SENP6: variants seen among roughly 807,000 people sequenced by gnomAD.
SENP6 encodes sentrin-specific protease 6.
In SENP6, 41 loss-of-function variants were observed where a neutral mutation model predicts 134.5. The ratio of observed to expected loss-of-function variants is 0.30; its 90% CI spans 0.24 to 0.40. SENP6 has a LOEUF of 0.40. Among genes scored for constraint, SENP6 ranks in the 10% least tolerant of loss-of-function variants. The pLI is 1.00. For synonymous variants in SENP6, 395 were observed against 429.8 expected, an observed-to-expected ratio of 0.92 and a Z score of 1.00; for missense variants, 1,248 against 1,312.5, an observed-to-expected ratio of 0.95 and a Z score of 0.76.
At chr6:75,661,922 G>C (rs1453529547) in intron 8 of SENP6, among the ~76,000 whole-genome samples, 1 of 152,100 alleles carries the variant, frequency 6.6e-6, no homozygotes, top group East Asian at 1.9e-4. Flanking sequence ...CATGGTGGTG[G>C]GCACCTGTAG....
chr6:75,694,368 G>A (rs1321037709), intron 16 of SENP6, among the ~76,000 whole-genome samples: 2 of 152,164 alleles, frequency 1.3e-5, no homozygotes, highest in African/African-American at 2.4e-5. Context: ...AAAATACTAT[G>A]CTGCTGGATC....
In SENP6 at chr6:75,633,141, A is replaced by G. The variant is rs574439389; in HGVS notation, c.208-440A>G. On this transcript the variant is annotated intron_variant, in intron 3 of 23. Transcript: ENST00000447266. ...GCATCTATTGAAGTATAAAGTATCA[A>G]TTTCTGCCTGTACAGAAACTTTGAT... is the stretch of plus-strand genomic sequence containing the variant. Among the ~76,000 whole-genome samples, 5 of 152,314 alleles carry G rather than the reference A, an allele frequency of 3.3e-5. No homozygotes were observed. In the East Asian group the frequency reaches 9.6e-4, roughly 29 times the overall value.
intron 1 of SENP6, among the ~76,000 whole-genome samples, chr6:75,605,812 C>T (rs1215291861): frequency 6.6e-6 from 1 of 151,024 alleles, no homozygotes; most frequent in Non-Finnish European, 1.5e-5. Context: ...AGTTTGGCTG[C>T]TTTTTGTGGA....
intron 1 of SENP6, among the ~76,000 whole-genome samples, chr6:75,603,060 C>T (rs1464434175): frequency 6.6e-6 from 1 of 152,194 alleles, no homozygotes; most frequent in African/African-American, 2.4e-5. Context: ...CTTGCTTTTG[C>T]AGCCAGCCTT....
intron 16 of SENP6, among the ~76,000 whole-genome samples, chr6:75,687,564 G>A (rs1022364672): frequency 3.3e-5 from 5 of 152,220 alleles, no homozygotes; most frequent in Admixed American, 6.5e-5. Flanking sequence ...TGATGTTGGT[G>A]ACCGACAGAT....
rs71002751 is a variant in SENP6 at position 75,617,263 on chromosome 6, C to CTTTTTTTTTT, written c.53-4251_53-4242dup. 8.4e-4 allele frequency among the ~76,000 whole-genome samples: 49 copies of CTTTTTTTTTT among 58,098 alleles called. 3 individuals are homozygous for CTTTTTTTTTT. The highest frequency in any genetic ancestry group is 1.9e-3 in the South Asian group (2 of 1,030). 38.1% of individuals were successfully genotyped at this position (58,098 alleles called of 152,430 possible). On this transcript the variant is annotated intron_variant, in intron 1 of 23. Transcript: ENST00000447266. ...GATGGTTTGGAGAATTTCTTTCTTT[C>CTTTTTTTTTT]TTTTTTTTTTTTTTTTTTTTTTTTT...
rs1302926316 is a variant in SENP6 at position 75,675,790 on chromosome 6, TCA to T, written c.1427-67_1427-66del. On this transcript the variant is annotated intron_variant, in intron 12 of 23. Transcript: ENST00000447266. ...TACATTTACTTAAACTTGTATTTCC[TCA>T]CAATTTCCCCCATTCATGATATTAC... The T allele has an allele frequency of 2.0e-5, 26 of 1,320,152 alleles. No homozygotes were observed. The Admixed American group carries it at 2.9e-4, about 15-fold the overall frequency. 81.8% of individuals were successfully genotyped at this position (1,320,152 alleles called of 1,614,324 possible). A position where few individuals can be genotyped will look rare whatever the true frequency, so the allele number is the denominator to read the frequency against.
At chr6:75,658,000 T>G (rs539758447) in intron 7 of SENP6, among the ~76,000 whole-genome samples, 4 of 152,278 alleles carry the variant, frequency 2.6e-5, no homozygotes, top group African/African-American at 9.6e-5. Context: ...AGTCATGATT[T>G]TTAACTAGAT....
rs1401836698 is a variant in SENP6 at position 75,647,717 on chromosome 6, A to C, written c.480-14A>C. On this transcript the variant is annotated splice_polypyrimidine_tract_variant and intron_variant, in intron 6 of 23. Coordinates refer to ENST00000447266, the MANE Select transcript of SENP6 (RefSeq NM_015571.4). The stretch of plus-strand genomic sequence containing the variant: ...TTTCCTGTTAGAATAAAACTACATA[A>C]ATTTCTTTTTTAGGAAAGAATACCC... 1.3e-6 allele frequency: 2 copies of C among 1,566,374 alleles called. No homozygotes were observed. The highest frequency in any genetic ancestry group is 1.8e-6 in the Non-Finnish European group (2 of 1,137,786).
chr6:75,717,506 G>A lies in SENP6; in HGVS notation c.*1912G>A, dbSNP rs1776073720. The A allele has an allele frequency of 6.6e-6, 1 of 152,062 alleles. No homozygotes were observed. The highest frequency in any genetic ancestry group is 1.5e-5 in the Non-Finnish European group (1 of 67,944). The allele number at this position is 152,062 out of a possible 1,614,324, so 9.4% of individuals were successfully genotyped here. ...CTAGAGGTAGAATACTCAGCTATTT[G>A]ATGGCATTTTTCCCACCCCATGTGA... is the stretch of plus-strand genomic sequence containing the variant. On this transcript the variant is annotated 3_prime_UTR_variant, in exon 24 of 24. Transcript: ENST00000447266.
chr6:75,711,382 G>C lies in SENP6; in HGVS notation c.2875G>C (p.Gly959Arg). 6.2e-7 allele frequency: 1 copy of C among 1,613,088 alleles called. No individual in the cohort carries two copies. Among genetic ancestry groups the C allele is most frequent in the Non-Finnish European group, 8.5e-7 (1 of 1,179,328 alleles). The stretch of plus-strand genomic sequence containing the variant: ...TGATGACAACTGCAGTTCAGAAATA[G>C]GACAGTGGCATTTAAAGCCTACTAT... ...LADDNCSSEI[G>R]QWHLKPTICK... Residue 959 changes from glycine to arginine, a missense_variant, in exon 21 of 24, where the codon GGA becomes CGA. Gly to Arg is a moderately radical substitution (Grantham distance 125). Coordinates refer to ENST00000447266, the MANE Select transcript of SENP6 (RefSeq NM_015571.4).
chr6:75,712,629 A>G (rs1459164628), intron 21 of SENP6, among the ~76,000 whole-genome samples: 1 of 152,178 alleles, frequency 6.6e-6, no homozygotes, highest in Non-Finnish European at 1.5e-5. Context: ...TGAGTTTACA[A>G]CATAACTTTA....
intron 5 of SENP6, among the ~76,000 whole-genome samples, chr6:75,635,480 T>A (rs1769440407): frequency 6.6e-6 from 1 of 152,180 alleles, no homozygotes; most frequent in Non-Finnish European, 1.5e-5. Context: ...CTTCATTTTT[T>A]AAAAATGTAA....
chr6:75,622,252 T>A (rs1768330006), intron 2 of SENP6, among the ~76,000 whole-genome samples: 1 of 152,228 alleles, frequency 6.6e-6, no homozygotes, highest in Admixed American at 6.5e-5. Flanking sequence ...AGATTTGTTT[T>A]TAAAGTTCAA....
intron 7 of SENP6, among the ~76,000 whole-genome samples, chr6:75,652,195 A>G (rs1285084220): frequency 6.6e-6 from 1 of 151,794 alleles, no homozygotes; most frequent in African/African-American, 2.4e-5. Flanking sequence ...AAAAAGAATC[A>G]AATGGATTCT....
intron 11 of SENP6, among the ~76,000 whole-genome samples, chr6:75,673,041 A>G (rs542740269): frequency 1.3e-5 from 2 of 152,028 alleles, no homozygotes; most frequent in African/African-American, 4.8e-5. Context: ...GTTAGCCAGG[A>G]TGGTCTCGAT....
intron 12 of SENP6, 61 bp downstream of exon 12, chr6:75,675,529 G>C: frequency 9.8e-7 from 1 of 1,017,648 alleles, no homozygotes; most frequent in Middle Eastern, 2.8e-4. Context: ...CACTTTACAG[G>C]AATAAAAGAT....
At chr6:75,693,423 A>C (rs956602634) in intron 16 of SENP6, among the ~76,000 whole-genome samples, 5 of 151,546 alleles carry the variant, frequency 3.3e-5, no homozygotes, top group Admixed American at 1.3e-4. Context: ...AAAAAAAAAA[A>C]AAAAAACACC....
At chr6:75,637,498 A>G (rs1332878186) in intron 5 of SENP6, among the ~76,000 whole-genome samples, 1 of 152,194 alleles carries the variant, frequency 6.6e-6, no homozygotes, top group Non-Finnish European at 1.5e-5. Context: ...ACTAATAGTG[A>G]TAGAGAAGTA....
Sources: allele counts gnomAD v4.1 joint callset (sites outside exome capture counted in the v4.1 genomes callset), GRCh38; gene constraint gnomAD v4.1.1; transcripts MANE v1.5; gene names NCBI Gene and HGNC (gene_info 2026-07-23, HGNC 2026-07-21).